The following GALNT14 variants were observed in gnomAD, a reference collection of about 807,000 sequenced individuals.
GALNT14 encodes the protein UDP-GalNAc:polypeptide N-acetylgalactosaminyltransferase 14.
GALNT14 carries 60 observed loss-of-function variants against 77.5 expected under a neutral mutation model. The observed-to-expected ratio is 0.77, with a 90% CI of 0.63 to 0.96. GALNT14 has a LOEUF of 0.96. Ranked by LOEUF, GALNT14 falls within the 40% of genes least tolerant of loss-of-function variation. The pLI is 0.00. For synonymous variants in GALNT14, 280 were observed against 281.7 expected, an observed-to-expected ratio of 0.99 and a Z score of 0.06; for missense variants, 710 against 731.0, an observed-to-expected ratio of 0.97 and a Z score of 0.33.
the GALNT14 span, among the ~76,000 whole-genome samples, chr2:30,904,950 C>A: frequency 6.6e-6 from 1 of 151,970 alleles, no homozygotes; most frequent in Admixed American, 6.6e-5. Context: ...AGCAGGGGCA[C>A]ACTGACACCT....
chr2:30,986,307 AATCT>A (rs1335306605), intron 2 of GALNT14, among the ~76,000 whole-genome samples: 14 of 152,166 alleles, frequency 9.2e-5, no homozygotes, highest in Non-Finnish European at 2.1e-4. Context: ...GTCCACCCTG[AATCT>A]GCTCCCTGAA....
chr2:31,106,960 G>C (rs1677589245), intron 1 of GALNT14, among the ~76,000 whole-genome samples: 1 of 152,182 alleles, frequency 6.6e-6, no homozygotes, highest in Admixed American at 6.5e-5. Flanking sequence ...ACTAGAAAGA[G>C]GCACATGGAG....
chr2:30,976,368 G>A (rs1407376696), intron 2 of GALNT14, among the ~76,000 whole-genome samples: 1 of 152,190 alleles, frequency 6.6e-6, no homozygotes, highest in Non-Finnish European at 1.5e-5. Context: ...TTACTCCAAT[G>A]CACCAGGATC....
chr2:30,966,775 C>G (rs1668036886), intron 2 of GALNT14, among the ~76,000 whole-genome samples: 1 of 152,158 alleles, frequency 6.6e-6, no homozygotes, highest in Non-Finnish European at 1.5e-5. Flanking sequence ...TGTGCTGACG[C>G]CCAGCCCCTG....
rs11314175 is a variant in GALNT14, at chr2:30,977,092, C to CTTTTTTTTTTTTTTTTTTTTTT, written c.300-10791_300-10790insAAAAAAAAAAAAAAAAAAAAAA. Among the ~76,000 whole-genome samples the CTTTTTTTTTTTTTTTTTTTTTT allele has an allele frequency of 2.2e-3, 296 of 135,044 alleles. 23 individuals carry two copies. Among genetic ancestry groups the CTTTTTTTTTTTTTTTTTTTTTT allele is most frequent in the African/African-American group, 8.5e-3 (278 of 32,546 alleles). 88.6% of individuals were successfully genotyped at this position (135,044 alleles called of 152,430 possible). A position where few individuals can be genotyped will look rare whatever the true frequency, so the allele number is the denominator to read the frequency against. On this transcript the variant is annotated intron_variant, in intron 2 of 14. Transcript: ENST00000349752. ...CTTTATTCCATATTGGCTTTTCTGT[C>CTTTTTTTTTTTTTTTTTTTTTT]TTTTTTTTTTTTTTTGAGACAGGGT...
intron 2 of GALNT14, among the ~76,000 whole-genome samples, chr2:30,991,732 T>C (rs1669719512): frequency 6.6e-6 from 1 of 152,220 alleles, no homozygotes; most frequent in Non-Finnish European, 1.5e-5. Context: ...AAGGACTGGT[T>C]GAGTCACTCC....
chr2:30,926,605 G>A (rs977944066), intron 11 of GALNT14, among the ~76,000 whole-genome samples: 4 of 152,110 alleles, frequency 2.6e-5, no homozygotes, highest in East Asian at 1.9e-4. Context: ...GCTTTTTAAC[G>A]GACCCTCCGG....
intron 11 of GALNT14, among the ~76,000 whole-genome samples, chr2:30,927,362 C>A (rs997347573): frequency 6.6e-6 from 1 of 152,208 alleles, no homozygotes; most frequent in Non-Finnish European, 1.5e-5. Context: ...CATTGCATCA[C>A]CTGCAGCTTA....
intron 1 of GALNT14, among the ~76,000 whole-genome samples, chr2:31,114,502 G>A (rs1678001117): frequency 6.6e-6 from 1 of 152,180 alleles, no homozygotes. Flanking sequence ...GCTCAGCAGA[G>A]TAGTTGATGA....
intron 1 of GALNT14, among the ~76,000 whole-genome samples, chr2:31,122,474 GC>G (rs1339174417): frequency 6.6e-6 from 1 of 152,162 alleles, no homozygotes; most frequent in Non-Finnish European, 1.5e-5. Flanking sequence ...ATTCACACAG[GC>G]TTTTCGTGAG....
Position 31,138,168 on chromosome 2 carries a change from T to C in GALNT14, c.-82A>G. The C allele has an allele frequency of 1.3e-6, 2 of 1,579,418 alleles. No homozygotes were observed. Among genetic ancestry groups the C allele is most frequent in the Non-Finnish European group, 1.7e-6 (2 of 1,153,504 alleles). On this transcript the variant is annotated 5_prime_UTR_variant, in exon 1 of 15. Transcript: ENST00000349752. ...GTCAGGGTTGGCGGGGCAGGAGTCCTGGCGAGCGCCTCGCTCTGGGGAGCT... is the reference window on the plus strand; with the variant it reads ...GTCAGGGTTGGCGGGGCAGGAGTCCCGGCGAGCGCCTCGCTCTGGGGAGCT...
intron 1 of GALNT14, among the ~76,000 whole-genome samples, chr2:31,016,422 A>G (rs888344840): frequency 1.3e-5 from 2 of 152,144 alleles, no homozygotes; most frequent in Non-Finnish European, 2.9e-5. Context: ...GAAGGGACAC[A>G]ATTCAGGCGA....
chr2:31,021,850 A>T (rs903523465), intron 1 of GALNT14, among the ~76,000 whole-genome samples: 1 of 152,232 alleles, frequency 6.6e-6, no homozygotes, highest in African/African-American at 2.4e-5. Context: ...GAAGTTAAAC[A>T]TGCATTCTGT....
chr2:31,069,848 A>G (rs1244526063), intron 1 of GALNT14, among the ~76,000 whole-genome samples: 2 of 152,092 alleles, frequency 1.3e-5, no homozygotes, highest in Non-Finnish European at 2.9e-5. Context: ...TGCTCAGTTC[A>G]CGTTACTGCT....
intron 1 of GALNT14, among the ~76,000 whole-genome samples, chr2:31,106,837 A>G (rs142292941): frequency 1.3e-5 from 2 of 152,212 alleles, no homozygotes; most frequent in African/African-American, 4.8e-5. Context: ...TTATTGTTGT[A>G]TGAGATGGGC....
intron 2 of GALNT14, among the ~76,000 whole-genome samples, chr2:30,974,506 C>T (rs961168921): frequency 4.0e-4 from 61 of 152,236 alleles, no homozygotes; most frequent in Non-Finnish European, 1.6e-4. Context: ...GCCCTCTGCA[C>T]TCTCAAAGTT....
intron 1 of GALNT14, among the ~76,000 whole-genome samples, chr2:31,089,706 T>C (rs1212727787): frequency 6.6e-6 from 1 of 152,130 alleles, no homozygotes; most frequent in East Asian, 1.9e-4. Context: ...GGGCTTTCTG[T>C]TTTATTTTTA....
chr2:30,891,146 G>A, the GALNT14 span, among the ~76,000 whole-genome samples: 1 of 152,206 alleles, frequency 6.6e-6, no homozygotes, highest in East Asian at 1.9e-4. Context: ...ATTCCGGCAT[G>A]AGACATGGGA....
chr2:31,065,721 C>G (rs1674905667), intron 1 of GALNT14, among the ~76,000 whole-genome samples: 1 of 152,158 alleles, frequency 6.6e-6, no homozygotes, highest in Non-Finnish European at 1.5e-5. Context: ...GCATCACATT[C>G]AAATCGTGCT....
Sources: allele counts gnomAD v4.1 joint callset (sites outside exome capture counted in the v4.1 genomes callset), GRCh38; gene constraint gnomAD v4.1.1; transcripts MANE v1.5; gene names NCBI Gene and HGNC (gene_info 2026-07-23, HGNC 2026-07-21).